Variants in CCSER1 observed in about 807,000 individuals in gnomAD.
The protein encoded by CCSER1 is serine-rich coiled-coil domain-containing protein 1.
Under a neutral mutation model 82.0 loss-of-function variants are expected in CCSER1, and 41 were observed. That is an observed-to-expected ratio of 0.50 (90% CI 0.39 to 0.65). CCSER1 has a LOEUF of 0.65. Among genes scored for constraint, CCSER1 ranks in the 30% least tolerant of loss-of-function variants. CCSER1 has a pLI of 0.00. For synonymous variants in CCSER1, 414 were observed against 383.9 expected (o/e 1.08, Z -0.92); for missense variants, 1,119 against 1,064.2 (o/e 1.05, Z -0.72).
At chr4:90,542,843 A>C (rs2153636565) in intron 5 of CCSER1, among the ~76,000 whole-genome samples, 1 of 152,254 alleles carries the variant, frequency 6.6e-6, no homozygotes, top group African/African-American at 2.4e-5. Flanking sequence ...ATACATAAAC[A>C]AACCTCTGAT....
At chr4:91,342,381 T>A (rs774224416) in intron 10 of CCSER1, among the ~76,000 whole-genome samples, 2 of 152,192 alleles carry the variant, frequency 1.3e-5, no homozygotes, top group Non-Finnish European at 2.9e-5. Flanking sequence ...GACTTTTTAC[T>A]TAGTCTTTGG....
intron 5 of CCSER1, among the ~76,000 whole-genome samples, chr4:90,531,616 T>C (rs1331659547): frequency 4.6e-5 from 7 of 152,296 alleles, no homozygotes; most frequent in African/African-American, 4.8e-5. Context: ...TGAATCATAT[T>C]CGGAGTCAGG....
intron 1 of CCSER1, among the ~76,000 whole-genome samples, chr4:90,163,016 G>C (rs977959793): frequency 6.6e-6 from 1 of 152,004 alleles, no homozygotes; most frequent in Admixed American, 6.6e-5. Flanking sequence ...TTTTATTCCT[G>C]TGTTTGTTTC....
intron 10 of CCSER1, among the ~76,000 whole-genome samples, chr4:91,308,020 G>A (rs898938603): frequency 6.6e-5 from 10 of 151,890 alleles, no homozygotes; most frequent in African/African-American, 1.4e-4. Context: ...CACTCTACTT[G>A]TAGATATTAG....
intron 10 of CCSER1, among the ~76,000 whole-genome samples, chr4:91,275,009 G>T (rs1030643649): frequency 6.6e-6 from 1 of 151,984 alleles, no homozygotes; most frequent in African/African-American, 2.4e-5. Flanking sequence ...GGGAGGCTGA[G>T]GCAGGAGAAT....
intron 5 of CCSER1, among the ~76,000 whole-genome samples, chr4:90,505,974 G>T (rs895122848): frequency 2.0e-5 from 3 of 152,018 alleles, no homozygotes; most frequent in Non-Finnish European, 4.4e-5. Flanking sequence ...ACAGTACTTT[G>T]ATCTTATCTC....
At chr4:90,715,899 C>T (rs1468261769) in intron 6 of CCSER1, among the ~76,000 whole-genome samples, 2 of 151,868 alleles carry the variant, frequency 1.3e-5, no homozygotes, top group African/African-American at 4.8e-5. Flanking sequence ...TTATTCACTT[C>T]AGCTCTGTTT....
At chr4:91,107,639 C>CTTTTTT (rs55901052) in intron 10 of CCSER1, among the ~76,000 whole-genome samples, 1 of 136,322 alleles carries the variant, frequency 7.3e-6, no homozygotes. Flanking sequence ...TTCTTTTTCT[C>CTTTTTT]TTTTTTTTTT....
chr4:90,941,824 A>C (rs1731620072), intron 9 of CCSER1, among the ~76,000 whole-genome samples: 1 of 152,208 alleles, frequency 6.6e-6, no homozygotes, highest in African/African-American at 2.4e-5. Flanking sequence ...ACAAGTCTAC[A>C]TGTCAATGAA....
chr4:91,109,014 G>A (rs1229148404), intron 10 of CCSER1, among the ~76,000 whole-genome samples: 3 of 152,100 alleles, frequency 2.0e-5, no homozygotes, highest in Non-Finnish European at 2.9e-5. Flanking sequence ...TCTCTGTTCC[G>A]GAGCTGGGGC....
At chr4:90,360,990 T>G (rs1312803875) in intron 3 of CCSER1, among the ~76,000 whole-genome samples, 1 of 152,242 alleles carries the variant, frequency 6.6e-6, no homozygotes, top group Non-Finnish European at 1.5e-5. Flanking sequence ...TTAATTTACA[T>G]AATTTACAAT....
intron 10 of CCSER1, among the ~76,000 whole-genome samples, chr4:91,236,087 T>A (rs1460968088): frequency 6.6e-6 from 1 of 152,228 alleles, no homozygotes; most frequent in Non-Finnish European, 1.5e-5. Context: ...CTTCAAGTAA[T>A]GCACACGTCT....
At chr4:90,709,440 A>T (rs942521489) in intron 6 of CCSER1, among the ~76,000 whole-genome samples, 2 of 150,492 alleles carry the variant, frequency 1.3e-5, no homozygotes, top group Admixed American at 6.6e-5. Context: ...TCCCGCTCAA[A>T]CCCCCTCCAA....
intron 6 of CCSER1, among the ~76,000 whole-genome samples, chr4:90,685,501 A>G (rs1341179425): frequency 6.6e-6 from 1 of 152,114 alleles, no homozygotes; most frequent in African/African-American, 2.4e-5. Context: ...CCAGCATATA[A>G]ACACACATTC....
At chr4:91,379,419 T>C (rs1391077758) in intron 10 of CCSER1, among the ~76,000 whole-genome samples, 1 of 152,198 alleles carries the variant, frequency 6.6e-6, no homozygotes, top group Non-Finnish European at 1.5e-5. Flanking sequence ...AATTATTGCC[T>C]CAATTTCAGA....
intron 8 of CCSER1, among the ~76,000 whole-genome samples, chr4:90,856,879 A>C (rs1764521846): frequency 6.6e-6 from 1 of 151,874 alleles, no homozygotes. Flanking sequence ...GGGGAGGCTT[A>C]GAGGTTGCAA....
intron 9 of CCSER1, among the ~76,000 whole-genome samples, chr4:91,010,168 G>C (rs901499488): frequency 6.6e-6 from 1 of 152,122 alleles, no homozygotes; most frequent in Non-Finnish European, 1.5e-5. Flanking sequence ...GCTGGATATA[G>C]TGTTCCCAAG....
rs185287602 is a variant in CCSER1 at position 90,548,441 on chromosome 4, C to T, written c.1725-79584C>T. Among the ~76,000 whole-genome samples the T allele has an allele frequency of 7.2e-5, 11 of 152,108 alleles. No homozygotes were observed. In the East Asian group the frequency reaches 2.1e-3, roughly 29 times the overall value. ...GCACAAGTAATGTTATCTTCACTGA[C>T]AATTTCAAAGGACGCAAGGAAAGGG... On this transcript the variant is annotated intron_variant, in intron 5 of 10. Transcript: ENST00000509176.
At chr4:90,810,550 G>A (rs1733192190) in intron 7 of CCSER1, among the ~76,000 whole-genome samples, 1 of 151,930 alleles carries the variant, frequency 6.6e-6, no homozygotes. Flanking sequence ...TCGGGAGGCT[G>A]AGGCAGGAGA....
Sources: allele counts gnomAD v4.1 joint callset (sites outside exome capture counted in the v4.1 genomes callset), GRCh38; gene constraint gnomAD v4.1.1; transcripts MANE v1.5; gene names NCBI Gene and HGNC (gene_info 2026-07-23, HGNC 2026-07-21).